Variants in SEMA6D observed in about 807,000 individuals in gnomAD.
The protein encoded by SEMA6D is semaphorin 6D, also known as semaphorin-6D.
In SEMA6D, 35 loss-of-function variants were observed where a neutral mutation model predicts 106.6. The ratio of observed to expected loss-of-function variants is 0.33; its 90% CI spans 0.25 to 0.44. The LOEUF (loss-of-function observed/expected upper bound fraction) is 0.44. Ranked by LOEUF, SEMA6D falls within the 20% of genes least tolerant of loss-of-function variation. The pLI is 1.00. For synonymous variants in SEMA6D, 499 were observed against 487.7 expected (o/e 1.02, Z -0.31); for missense variants, 1,185 against 1,345.9 (o/e 0.88, Z 1.87).
intron 3 of SEMA6D, among the ~76,000 whole-genome samples, chr15:47,510,233 A>G (rs1350832999): frequency 1.3e-5 from 2 of 152,170 alleles, no homozygotes; most frequent in Admixed American, 6.5e-5. Flanking sequence ...AGGAGCAAGA[A>G]TCCTATTGTG....
At chr15:47,599,010 A>G (rs1361173121) in intron 3 of SEMA6D, among the ~76,000 whole-genome samples, 1 of 152,128 alleles carries the variant, frequency 6.6e-6, no homozygotes, top group African/African-American at 2.4e-5. Flanking sequence ...AAATGTGGTC[A>G]TGAGACCACC....
intron 2 of SEMA6D, among the ~76,000 whole-genome samples, chr15:47,442,018 A>G (rs1316594089): frequency 2.0e-5 from 3 of 152,116 alleles, no homozygotes; most frequent in Non-Finnish European, 4.4e-5. Flanking sequence ...CCTTCATCAT[A>G]TACAATTTCT....
chr15:47,353,577 C>T (rs2038417066), intron 1 of SEMA6D, among the ~76,000 whole-genome samples: 1 of 152,156 alleles, frequency 6.6e-6, no homozygotes, highest in Non-Finnish European at 1.5e-5. Flanking sequence ...TCCTCATCCT[C>T]TAAACTTTAA....
chr15:47,501,541 A>G (rs1213229365), intron 3 of SEMA6D, among the ~76,000 whole-genome samples: 2 of 152,144 alleles, frequency 1.3e-5, no homozygotes, highest in African/African-American at 2.4e-5. Context: ...TTTTAGACTT[A>G]AGGTCTAGTT....
At chr15:47,638,526 G>A (rs1207290092) in intron 4 of SEMA6D, among the ~76,000 whole-genome samples, 2 of 151,924 alleles carry the variant, frequency 1.3e-5, no homozygotes, top group Admixed American at 6.6e-5. Context: ...TTTTTCTCTT[G>A]AACAATGTTT....
At chr15:47,351,498 A>T (rs2038325242) in intron 1 of SEMA6D, among the ~76,000 whole-genome samples, 1 of 152,164 alleles carries the variant, frequency 6.6e-6, no homozygotes, top group Non-Finnish European at 1.5e-5. Flanking sequence ...CCCATAAGGT[A>T]GGTGCTATTG....
chr15:47,585,886 G>T (rs1444822162), intron 3 of SEMA6D, among the ~76,000 whole-genome samples: 2 of 152,158 alleles, frequency 1.3e-5, no homozygotes, highest in African/African-American at 4.8e-5. Flanking sequence ...CCAGCCTGCA[G>T]CCCTAACCAC....
chr15:47,753,942 T>C (rs949894790), intron 1 of SEMA6D, among the ~76,000 whole-genome samples: 1 of 152,198 alleles, frequency 6.6e-6, no homozygotes, highest in African/African-American at 2.4e-5. Context: ...ATGGTATCTC[T>C]CTGGGTTCTT....
Position 47,477,153 on chromosome 15 carries a change from G to A in SEMA6D, c.-87+6608G>A, listed in dbSNP as rs533725900. Among the ~76,000 whole-genome samples the A allele has an allele frequency of 6.6e-5, 10 of 152,052 alleles. No homozygotes were observed. In the South Asian group the frequency reaches 1.5e-3, roughly 22 times the overall value. ...ATACCCTTTCCCTGAAATTAATTGC[G>A]TAGCACTTGTTTTTGTTTTTGTTTC... is the stretch of plus-strand genomic sequence containing the variant. On this transcript the variant is annotated intron_variant, in intron 3 of 19. Coordinates refer to the SEMA6D transcript ENST00000558014.
rs764742434 is a variant in SEMA6D at position 47,770,584 on chromosome 15, T to C, written c.2021T>C (p.Leu674Ser). 2 of 1,614,034 alleles carry C rather than the reference T, an allele frequency of 1.2e-6. No homozygotes were observed. The highest frequency in any genetic ancestry group is 3.3e-5 in the Admixed American group (2 of 60,006). The change falls in exon 19 of 19, where the codon TTG becomes TCG. Residue 674 changes from leucine to serine, a missense_variant. Physicochemically the swap from Leu to Ser is moderately radical, Grantham distance 145. This residue lies in a region of SEMA6D where 750 missense variants were observed against 783.5 expected (regional missense o/e 0.96). Transcript: ENST00000536845. ...LITCVFAAFV[L>S]GAFIAGVAVY... ...ACCTGTGTCTTTGCTGCTTTTGTTT[T>C]GGGGGCATTCATTGCAGGTGTGGCA... is the stretch of plus-strand genomic sequence containing the variant.
At chr15:47,264,605 G>C (rs2047623598) in intron 1 of SEMA6D, among the ~76,000 whole-genome samples, 1 of 151,920 alleles carries the variant, frequency 6.6e-6, no homozygotes. Context: ...AACCATTCTT[G>C]TTGTGTTTCC....
At chr15:47,505,231 C>T (rs1356323815) in intron 3 of SEMA6D, among the ~76,000 whole-genome samples, 1 of 152,174 alleles carries the variant, frequency 6.6e-6, no homozygotes, top group Non-Finnish European at 1.5e-5. Flanking sequence ...GAGAAATGGG[C>T]TCTCTCCTTG....
intron 4 of SEMA6D, among the ~76,000 whole-genome samples, chr15:47,673,116 A>C (rs1338032726): frequency 6.6e-6 from 1 of 152,076 alleles, no homozygotes; most frequent in Non-Finnish European, 1.5e-5. Context: ...ACCCCGAGAA[A>C]ATCCCCCAAA....
intron 1 of SEMA6D, among the ~76,000 whole-genome samples, chr15:47,269,912 G>A (rs942563772): frequency 6.6e-6 from 1 of 150,406 alleles, no homozygotes; most frequent in Non-Finnish European, 1.5e-5. Flanking sequence ...TTTTATTTTT[G>A]CCATCATAAG....
chr15:47,739,043 G>A, intron 1 of SEMA6D, among the ~76,000 whole-genome samples: 1 of 152,174 alleles, frequency 6.6e-6, no homozygotes, highest in Admixed American at 6.5e-5. Flanking sequence ...CAGTGTCCAA[G>A]AAATAGGAAG....
At chr15:47,596,840 A>G (rs1213490632) in intron 3 of SEMA6D, among the ~76,000 whole-genome samples, 2 of 152,116 alleles carry the variant, frequency 1.3e-5, no homozygotes, top group Non-Finnish European at 1.5e-5. Flanking sequence ...AGAAGAAAAC[A>G]TAGGAGAAAA....
chr15:47,453,516 T>A (rs1179143326), intron 2 of SEMA6D, among the ~76,000 whole-genome samples: 1 of 151,938 alleles, frequency 6.6e-6, no homozygotes, highest in African/African-American at 2.4e-5. Context: ...AAGCTTTACA[T>A]CCCACTGAGA....
rs897573931 is a variant in SEMA6D, at chr15:47,772,662, G to T, written c.*877G>T. ...TATTCCAGTCTTGCCAGCTTAAGGA[G>T]ATCAAGATATTAAGAGGTATCCTTG... On this transcript the variant is annotated 3_prime_UTR_variant, in exon 19 of 19. Coordinates refer to ENST00000536845, the MANE Select transcript of SEMA6D (RefSeq NM_001358351.3). 2 of 152,476 alleles carry T rather than the reference G, an allele frequency of 1.3e-5. No individual in the cohort carries two copies. Among genetic ancestry groups the T allele is most frequent in the African/African-American group, 2.4e-5 (1 of 41,406 alleles). The allele number at this position is 152,476 out of a possible 1,614,324, so 9.4% of individuals were successfully genotyped here. A position where few individuals can be genotyped will look rare whatever the true frequency, so the allele number is the denominator to read the frequency against.
intron 3 of SEMA6D, among the ~76,000 whole-genome samples, chr15:47,507,358 G>A (rs1216919842): frequency 3.7e-5 from 1 of 26,980 alleles, no homozygotes; most frequent in African/African-American, 1.4e-4. Context: ...CACCCCCCCG[G>A]GCCTTATATT....
Sources: gnomAD v4.1 joint callset for allele counts (sites outside exome capture counted in the v4.1 genomes callset) on GRCh38, gnomAD v4.1.1 for gene constraint, gnomAD v4.1.1 regional missense constraint, MANE v1.5 for transcripts, NCBI Gene and HGNC (gene_info 2026-07-23, HGNC 2026-07-21) for gene names.